Variants in CLNK observed in about 807,000 individuals in gnomAD.
The protein encoded by CLNK is cytokine dependent hematopoietic cell linker, also known as cytokine-dependent hematopoietic cell linker.
A neutral mutation model predicts 68.6 loss-of-function variants in CLNK; 74 were observed. The ratio of observed to expected loss-of-function variants is 1.08; its 90% CI spans 0.89 to 1.31. The LOEUF (loss-of-function observed/expected upper bound fraction) is 1.31. Ranked by LOEUF, CLNK falls within the 50% of genes most tolerant of loss-of-function variation. The pLI is 0.00. For synonymous variants in CLNK, 198 were observed against 172.2 expected (o/e 1.15, Z -1.17); for missense variants, 553 against 515.3 (o/e 1.07, Z -0.71).
At chr4:10,667,785 C>A in intron 2 of CLNK, 74 bp downstream of exon 2, 1 of 1,406,890 alleles carries the variant, frequency 7.1e-7, no homozygotes, top group South Asian at 1.4e-5. Context: ...TTTCTCAGTT[C>A]ATCTTCCAGA....
At position 10,568,618 on chromosome 4, in the gene CLNK, G is replaced by C. The variant is rs184380473; in HGVS notation, c.151-2468C>G. On this transcript the variant is annotated intron_variant, in intron 5 of 18. Transcript: ENST00000226951. ...GCAGAAGGACAATTTAGATAGAGGA[G>C]TCCAAGAGTAGAAGGATTTGACAAC... Among the ~76,000 whole-genome samples, 856 of 152,322 alleles carry C rather than the reference G, an allele frequency of 5.6e-3. 10 individuals are homozygous for C. The highest frequency in any genetic ancestry group is 0.02 in the African/African-American group (823 of 41,560).
chr4:10,507,937 T>C, intron 17 of CLNK, 22 bp downstream of exon 17: 1 of 1,569,862 alleles, frequency 6.4e-7, no homozygotes, highest in Non-Finnish European at 8.7e-7. Context: ...ACAATAATGA[T>C]GGGCCACGTA....
chr4:10,508,570 C>A (rs1179621890), intron 16 of CLNK, among the ~76,000 whole-genome samples: 4 of 152,118 alleles, frequency 2.6e-5, no homozygotes, highest in African/African-American at 7.2e-5. Context: ...ATTCTAAATT[C>A]TTTTGATGAT....
At chr4:10,621,891 A>C (rs1722473766) in intron 2 of CLNK, among the ~76,000 whole-genome samples, 1 of 152,184 alleles carries the variant, frequency 6.6e-6, no homozygotes, top group South Asian at 2.1e-4. Flanking sequence ...ACAAATTTTC[A>C]CAGTGGATCA....
intron 2 of CLNK, among the ~76,000 whole-genome samples, chr4:10,637,804 G>A (rs1379966719): frequency 1.5e-5 from 2 of 131,894 alleles, no homozygotes; most frequent in Non-Finnish European, 3.1e-5. Context: ...GGGTTTCACC[G>A]TGTTAGCCAG....
intron 2 of CLNK, among the ~76,000 whole-genome samples, chr4:10,643,717 C>A (rs6823132): frequency 0.29 from 44,581 of 152,140 alleles, 6,732 homozygotes; most frequent in Admixed American, 0.39. Context: ...TTAGTTTATG[C>A]CAAAATACCA....
chr4:10,551,696 C>T (rs775355384), intron 8 of CLNK, among the ~76,000 whole-genome samples: 6 of 152,168 alleles, frequency 3.9e-5, no homozygotes, highest in Non-Finnish European at 8.8e-5. Context: ...TATTATGGGG[C>T]TTACGGGCTT....
chr4:10,530,034 C>T (rs1718475073), intron 12 of CLNK, among the ~76,000 whole-genome samples: 1 of 151,928 alleles, frequency 6.6e-6, no homozygotes, highest in South Asian at 2.1e-4. Flanking sequence ...TTCCTTCCTC[C>T]CTTTCTTTCA....
chr4:10,663,756 C>A (rs756310146), intron 2 of CLNK, among the ~76,000 whole-genome samples: 2 of 152,182 alleles, frequency 1.3e-5, no homozygotes, highest in South Asian at 2.1e-4. Context: ...AACCCCTTAA[C>A]TTCATATGTT....
chr4:10,550,187 G>A (rs549618239), intron 8 of CLNK, among the ~76,000 whole-genome samples: 19 of 152,300 alleles, frequency 1.2e-4, no homozygotes, highest in African/African-American at 4.3e-4. Flanking sequence ...TTTACATACA[G>A]CCATTATTAA....
chr4:10,532,590 C>T lies in CLNK; in HGVS notation c.603-307G>A, dbSNP rs79902635. On this transcript the variant is annotated intron_variant, in intron 11 of 18. Coordinates refer to ENST00000226951, the MANE Select transcript of CLNK (RefSeq NM_052964.4). ...TCTCCTGACATTTGATTTCCTACGT[C>T]AAGTTTCATTGGCACAGTCAGACCT... is the stretch of plus-strand genomic sequence containing the variant. Among the ~76,000 whole-genome samples the T allele has an allele frequency of 6.5e-3, 993 of 152,300 alleles. 11 individuals carry two copies. The highest frequency in any genetic ancestry group is 0.023 in the African/African-American group (944 of 41,562).
chr4:10,522,044 G>A lies in CLNK; in HGVS notation c.732-1213C>T, dbSNP rs189589549. On this transcript the variant is annotated intron_variant, in intron 14 of 18. Coordinates refer to ENST00000226951, the MANE Select transcript of CLNK (RefSeq NM_052964.4). Reference sequence around the variant, plus strand: ...GAGGCTGAGGCAGGCGGATCACAAGGTCAGGAGATCGAGACCATCCTGGCT... The same window carrying A: ...GAGGCTGAGGCAGGCGGATCACAAGATCAGGAGATCGAGACCATCCTGGCT... Among the ~76,000 whole-genome samples, 77 of 151,886 alleles carry A rather than the reference G, an allele frequency of 5.1e-4. No individual in the cohort carries two copies. In the East Asian group the frequency reaches 0.014, roughly 28 times the overall value.
At chr4:10,623,914 A>G (rs1423876192) in intron 2 of CLNK, among the ~76,000 whole-genome samples, 3 of 152,264 alleles carry the variant, frequency 2.0e-5, no homozygotes, top group Non-Finnish European at 4.4e-5. Context: ...GAAGAAAGAT[A>G]AGAAGTGTAG....
intron 2 of CLNK, among the ~76,000 whole-genome samples, chr4:10,653,631 T>C (rs1314762711): frequency 1.3e-5 from 2 of 152,126 alleles, no homozygotes. Context: ...AGCACCTAAT[T>C]TGGCGAATCA....
intron 4 of CLNK, among the ~76,000 whole-genome samples, chr4:10,577,434 G>T (rs940421567): frequency 6.6e-6 from 1 of 152,104 alleles, no homozygotes; most frequent in African/African-American, 2.4e-5. Context: ...GTCTTCTCAG[G>T]TACCAGAACC....
intron 11 of CLNK, among the ~76,000 whole-genome samples, chr4:10,536,969 C>A (rs540413213): frequency 7.2e-5 from 11 of 152,156 alleles, no homozygotes; most frequent in African/African-American, 2.6e-4. Flanking sequence ...GGCTTAAATA[C>A]CTTCAAAGCT....
chr4:10,637,438 G>GTTGTTTT (rs1651882733), intron 2 of CLNK, among the ~76,000 whole-genome samples: 4 of 124,164 alleles, frequency 3.2e-5, no homozygotes, highest in Non-Finnish European at 6.6e-5. Flanking sequence ...AATAAAAAAA[G>GTTGTTTT]TTTTTTTTTT....
At chr4:10,565,530 C>A (rs923705006) in intron 6 of CLNK, among the ~76,000 whole-genome samples, 1 of 152,218 alleles carries the variant, frequency 6.6e-6, no homozygotes, top group South Asian at 2.1e-4. Context: ...CCATGCCCTG[C>A]TGACGCTCTT....
intron 1 of CLNK, among the ~76,000 whole-genome samples, chr4:10,683,349 C>T (rs902318148): frequency 9.9e-5 from 15 of 152,134 alleles, no homozygotes; most frequent in African/African-American, 2.4e-4. Flanking sequence ...AATGGTCTTG[C>T]CTATACAGTC....
Sources: gnomAD v4.1 joint callset for allele counts (sites outside exome capture counted in the v4.1 genomes callset) on GRCh38, gnomAD v4.1.1 for gene constraint, MANE v1.5 for transcripts, NCBI Gene and HGNC (gene_info 2026-07-23, HGNC 2026-07-21) for gene names.